CELF4: variants seen among roughly 807,000 people sequenced by gnomAD.
CELF4 encodes CUG-BP- and ETR-3-like factor 4.
Under a neutral mutation model 59.9 loss-of-function variants are expected in CELF4, and 18 were observed. The observed-to-expected ratio is 0.30, with a 90% CI of 0.21 to 0.45. The LOEUF (loss-of-function observed/expected upper bound fraction) is 0.45, where lower values mean the gene tolerates loss of function less well. Among genes scored for constraint, CELF4 ranks in the 20% least tolerant of loss-of-function variants. The pLI, the probability that CELF4 is intolerant of heterozygous loss-of-function variation, is 1.00. For synonymous variants in CELF4, 261 were observed against 267.1 expected, an observed-to-expected ratio of 0.98 and a Z score of 0.22; for missense variants, 456 against 689.0, an observed-to-expected ratio of 0.66 and a Z score of 3.79.
chr18:37,524,794 G>GCGCTCTA (rs2099961737), intron 1 of CELF4, among the ~76,000 whole-genome samples: 1 of 152,146 alleles, frequency 6.6e-6, no homozygotes, highest in Non-Finnish European at 1.5e-5. Flanking sequence ...GTGCGCAGCT[G>GCGCTCTA]CGCTCTACGC....
intron 1 of CELF4, among the ~76,000 whole-genome samples, chr18:37,515,924 C>T (rs984143194): frequency 1.3e-5 from 2 of 152,146 alleles, no homozygotes; most frequent in Non-Finnish European, 2.9e-5. Flanking sequence ...GAAAGCAGGA[C>T]TTGCCTTCTT....
chr18:37,409,475 C>T (rs187930755), intron 2 of CELF4, among the ~76,000 whole-genome samples: 3 of 152,318 alleles, frequency 2.0e-5, no homozygotes, highest in Admixed American at 6.5e-5. Context: ...GCTGTAAGCA[C>T]GCTCTTCACT....
At chr18:37,429,669 C>T (rs374077500) in intron 2 of CELF4, among the ~76,000 whole-genome samples, 1 of 152,152 alleles carries the variant, frequency 6.6e-6, no homozygotes, top group East Asian at 1.9e-4. Context: ...CAGCACACAC[C>T]ACTGCCTCTT....
chr18:37,470,574 G>C (rs989524709), intron 2 of CELF4, among the ~76,000 whole-genome samples: 5 of 152,238 alleles, frequency 3.3e-5, no homozygotes, highest in Non-Finnish European at 5.9e-5. Flanking sequence ...GTGTCCAACT[G>C]TCTAGGCAAG....
chr18:37,288,284 G>A (rs2095004033), intron 3 of CELF4, among the ~76,000 whole-genome samples: 1 of 152,194 alleles, frequency 6.6e-6, no homozygotes, highest in South Asian at 2.1e-4. Flanking sequence ...CTCCCTTATA[G>A]GTGCCTGCTC....
Position 37,464,730 on chromosome 18 carries a change from G to A in CELF4, c.369+20795C>T, listed in dbSNP as rs571738601. On this transcript the variant is annotated intron_variant, in intron 2 of 12. Coordinates refer to ENST00000420428, the MANE Select transcript of CELF4 (RefSeq NM_020180.4). ...CATCTCACAGATGGGGAGTGGAGAA[G>A]CCCAAATTTTAGCCTGCCCTGGCTG... Among the ~76,000 whole-genome samples the A allele has an allele frequency of 5.6e-4, 85 of 152,218 alleles. 1 individual carries two copies. The highest frequency in any genetic ancestry group is 1.9e-3 in the African/African-American group (79 of 41,548).
At chr18:37,314,644 A>G (rs1047816794) in intron 3 of CELF4, among the ~76,000 whole-genome samples, 1 of 152,086 alleles carries the variant, frequency 6.6e-6, no homozygotes, top group Non-Finnish European at 1.5e-5. Flanking sequence ...CAGATAGCTT[A>G]CTGCCACCAC....
intron 1 of CELF4, among the ~76,000 whole-genome samples, chr18:37,521,071 T>G: frequency 1.5e-5 from 2 of 134,684 alleles, no homozygotes; most frequent in African/African-American, 2.9e-5. Context: ...GAGGGGAGGG[T>G]ATCGGGGGTT....
intron 1 of CELF4, among the ~76,000 whole-genome samples, chr18:37,489,193 C>A (rs56127426): frequency 1.3e-5 from 2 of 152,340 alleles, no homozygotes; most frequent in East Asian, 3.9e-4. Flanking sequence ...GCGGCTGACA[C>A]GCCAGCATGG....
chr18:37,351,800 G>C (rs1038001098), intron 2 of CELF4, among the ~76,000 whole-genome samples: 1 of 152,000 alleles, frequency 6.6e-6, no homozygotes. Context: ...TTTTAGTAGA[G>C]ACAGGATTTT....
intron 2 of CELF4, chr18:37,473,466 C>T (rs1482760497): frequency 6.6e-6 from 1 of 152,206 alleles, no homozygotes; most frequent in African/African-American, 2.4e-5. Flanking sequence ...AGGGCACAAA[C>T]TCGAGAAAGA....
chr18:37,436,310 C>T (rs534519335), intron 2 of CELF4, among the ~76,000 whole-genome samples: 2 of 152,346 alleles, frequency 1.3e-5, no homozygotes, highest in East Asian at 3.9e-4. Context: ...CTCATTCAGA[C>T]AGCATCTGCA....
intron 1 of CELF4, among the ~76,000 whole-genome samples, chr18:37,503,324 G>A (rs1408100434): frequency 6.6e-6 from 1 of 152,200 alleles, no homozygotes; most frequent in African/African-American, 2.4e-5. Flanking sequence ...ATTTTCCCAT[G>A]AGGTTTACCA....
At chr18:37,437,530 G>T (rs551474978) in intron 2 of CELF4, among the ~76,000 whole-genome samples, 41 of 152,314 alleles carry the variant, frequency 2.7e-4, no homozygotes, top group African/African-American at 9.4e-4. Flanking sequence ...AATGGTCTTG[G>T]CTTGGCCAGC....
chr18:37,494,196 C>T (rs574773725), intron 1 of CELF4, among the ~76,000 whole-genome samples: 4 of 152,312 alleles, frequency 2.6e-5, no homozygotes, highest in Admixed American at 2.6e-4. Flanking sequence ...CTTGTTTATG[C>T]CCTAAAAGCT....
chr18:37,311,411 G>T (rs1016103769), intron 3 of CELF4, among the ~76,000 whole-genome samples: 1 of 152,186 alleles, frequency 6.6e-6, no homozygotes, highest in Non-Finnish European at 1.5e-5. Flanking sequence ...GTCCAGTTGT[G>T]TAAATAGAAG....
intron 2 of CELF4, among the ~76,000 whole-genome samples, chr18:37,411,702 G>T (rs1287739394): frequency 1.3e-5 from 2 of 152,338 alleles, no homozygotes; most frequent in South Asian, 2.1e-4. Flanking sequence ...CACCAGGCAG[G>T]GCTCTCCCCA....
At chr18:37,242,848 TC>T (rs2060756698), downstream of CELF4, among the ~76,000 whole-genome samples, 1 of 152,156 alleles carries the variant, frequency 6.6e-6, no homozygotes, top group Non-Finnish European at 1.5e-5. Context: ...GAGAGATTCT[TC>T]CTAGAGTGGA....
At chr18:37,451,925 G>A (rs943680409) in intron 2 of CELF4, among the ~76,000 whole-genome samples, 5 of 152,084 alleles carry the variant, frequency 3.3e-5, no homozygotes, top group Non-Finnish European at 7.4e-5. Context: ...ACCTAGAGAT[G>A]AGCCCAGGGC....
Sources: gnomAD v4.1 joint callset for allele counts (sites outside exome capture counted in the v4.1 genomes callset) on GRCh38, gnomAD v4.1.1 for gene constraint, MANE v1.5 for transcripts, NCBI Gene and HGNC (gene_info 2026-07-23, HGNC 2026-07-21) for gene names.